Variants in PRDM5 observed in about 807,000 individuals in gnomAD.
PRDM5 encodes PR domain zinc finger protein 5.
In PRDM5, 56 loss-of-function variants were observed where a neutral mutation model predicts 81.2. That is an observed-to-expected ratio of 0.69 (90% CI 0.56 to 0.86). The LOEUF (loss-of-function observed/expected upper bound fraction) is 0.86, where lower values mean the gene tolerates loss of function less well. Among genes scored for constraint, PRDM5 ranks in the 40% least tolerant of loss-of-function variants. The pLI, the probability that PRDM5 is intolerant of heterozygous loss-of-function variation, is 0.00. For synonymous variants in PRDM5, 267 were observed against 256.4 expected (o/e 1.04, Z -0.39); for missense variants, 697 against 770.1 (o/e 0.91, Z 1.12).
intron 14 of PRDM5, among the ~76,000 whole-genome samples, chr4:120,717,868 T>G (rs1475140971): frequency 6.6e-6 from 1 of 152,188 alleles, no homozygotes; most frequent in Non-Finnish European, 1.5e-5. Flanking sequence ...GTGAGCTCTT[T>G]CTCTTATAGT....
At chr4:120,711,842 T>G (rs1466049964) in intron 14 of PRDM5, among the ~76,000 whole-genome samples, 1 of 152,184 alleles carries the variant, frequency 6.6e-6, no homozygotes, top group African/African-American at 2.4e-5. Flanking sequence ...TTAGCCCGGA[T>G]TAATTGTGAA....
intron 10 of PRDM5, among the ~76,000 whole-genome samples, chr4:120,789,032 T>C (rs1173520312): frequency 1.3e-5 from 2 of 152,214 alleles, no homozygotes; most frequent in African/African-American, 4.8e-5. Flanking sequence ...CTCTAATGAA[T>C]GCCAAGCTTT....
intron 2 of PRDM5, among the ~76,000 whole-genome samples, chr4:120,881,874 C>T (rs1364932323): frequency 6.6e-6 from 1 of 152,328 alleles, no homozygotes; most frequent in South Asian, 2.1e-4. Flanking sequence ...CCTCATACTT[C>T]TGCAACAAAA....
At chr4:120,699,163 T>TATAA (rs1303253765) in intron 15 of PRDM5, among the ~76,000 whole-genome samples, 675 of 22,076 alleles carry the variant, frequency 0.031, no homozygotes, top group Admixed American at 0.11. Context: ...GAAATATAAA[T>TATAA]ATATATATAT....
chr4:120,794,810 G>A (rs779913838), intron 10 of PRDM5, among the ~76,000 whole-genome samples: 2 of 152,044 alleles, frequency 1.3e-5, no homozygotes, highest in Admixed American at 1.3e-4. Flanking sequence ...ATTTTTAGTA[G>A]AGATGGCATT....
At chr4:120,764,048 G>A (rs1746020291) in intron 13 of PRDM5, among the ~76,000 whole-genome samples, 1 of 151,874 alleles carries the variant, frequency 6.6e-6, no homozygotes, top group Non-Finnish European at 1.5e-5. Flanking sequence ...AACAGCAGAA[G>A]AAAGCACAAA....
At chr4:120,794,864 G>A (rs2149273802) in intron 10 of PRDM5, among the ~76,000 whole-genome samples, 1 of 152,124 alleles carries the variant, frequency 6.6e-6, no homozygotes, top group East Asian at 1.9e-4. Context: ...GACCTCAGCG[G>A]ATCCACCCAC....
chr4:120,708,034 C>G (rs1736451682), intron 15 of PRDM5, among the ~76,000 whole-genome samples: 1 of 151,884 alleles, frequency 6.6e-6, no homozygotes, highest in South Asian at 2.1e-4. Context: ...AAATTGGAAT[C>G]CTTGTGCATT....
At chr4:120,785,606 T>A (rs1234158858) in intron 10 of PRDM5, among the ~76,000 whole-genome samples, 1 of 152,216 alleles carries the variant, frequency 6.6e-6, no homozygotes. Flanking sequence ...CACTTATTCA[T>A]GTTATAATTA....
chr4:120,851,479 A>C (rs1759265298), intron 3 of PRDM5, among the ~76,000 whole-genome samples: 1 of 152,008 alleles, frequency 6.6e-6, no homozygotes, highest in Admixed American at 6.6e-5. Context: ...AAAAAAAAAA[A>C]AAACATCAGT....
At chr4:120,687,036 T>C (rs1045438409), downstream of PRDM5, among the ~76,000 whole-genome samples, 40 of 151,884 alleles carry the variant, frequency 2.6e-4, no homozygotes, top group African/African-American at 9.7e-4. Flanking sequence ...ATATAACATA[T>C]ATGCCTTAGG....
chr4:120,784,928 T>C (rs2149248689), intron 11 of PRDM5, 70 bp downstream of exon 11: 1 of 1,239,454 alleles, frequency 8.1e-7, no homozygotes, highest in East Asian at 2.4e-5. Flanking sequence ...GATGTCTACA[T>C]TCTCAAAGGT....
intron 3 of PRDM5, among the ~76,000 whole-genome samples, chr4:120,822,777 C>A (rs343181): frequency 0.25 from 38,334 of 151,950 alleles, 5,610 homozygotes; most frequent in East Asian, 0.35. Context: ...TGCATCCAAT[C>A]CTATGGAAGG....
At chr4:120,730,968 G>A (rs182755210) in intron 14 of PRDM5, among the ~76,000 whole-genome samples, 17 of 152,210 alleles carry the variant, frequency 1.1e-4, no homozygotes, top group Admixed American at 6.5e-5. Context: ...ACTCTGCCCA[G>A]GCCCTTAAAA....
At chr4:120,799,461 T>C (rs539040315) in intron 9 of PRDM5, among the ~76,000 whole-genome samples, 200 bp downstream of exon 9, 1 of 152,142 alleles carries the variant, frequency 6.6e-6, no homozygotes, top group Non-Finnish European at 1.5e-5. Context: ...TTCAATATCA[T>C]TTACTCTAAG....
intron 2 of PRDM5, among the ~76,000 whole-genome samples, chr4:120,894,242 A>T (rs1764377545): frequency 6.6e-6 from 1 of 152,218 alleles, no homozygotes; most frequent in Non-Finnish European, 1.5e-5. Context: ...TACTTACTAG[A>T]AACCCGCAAT....
intron 3 of PRDM5, among the ~76,000 whole-genome samples, chr4:120,846,045 A>C (rs1758617792): frequency 6.6e-6 from 1 of 152,230 alleles, no homozygotes; most frequent in Admixed American, 6.5e-5. Context: ...AAATTGATGT[A>C]ATCTCATGAT....
rs370387683 is a variant in PRDM5 at position 120,863,191 on chromosome 4, T to TACACACACACACACACAC, written c.178-9669_178-9652dup. ...AAAAAAAAAAATATATATATATATA[T>TACACACACACACACACAC]ACACACACACACACACACACACACA... On this transcript the variant is annotated intron_variant, in intron 2 of 15. Transcript: ENST00000264808. Among the ~76,000 whole-genome samples, 595 of 70,192 alleles carry TACACACACACACACACAC rather than the reference T, an allele frequency of 8.5e-3. 10 individuals carry two copies. The highest frequency in any genetic ancestry group is 0.013 in the Non-Finnish European group (477 of 35,908). 46.0% of individuals were successfully genotyped at this position (70,192 alleles called of 152,430 possible).
rs751823310 is a variant in PRDM5 at position 120,695,151 on chromosome 4, T to C, written c.1853A>G (p.Lys618Arg). 1.9e-6 allele frequency: 3 copies of C among 1,613,342 alleles called. No homozygotes were observed. Among genetic ancestry groups the C allele is most frequent in the African/African-American group, 2.7e-5 (2 of 74,894 alleles). ...ACCATGGATATTGTCCATGTGCACT[T>C]TGAGGTAGTCATTCCTTGTAAACTT... is the stretch of plus-strand genomic sequence containing the variant. ...HKKFTRNDYLKVHMDNIHGVA... is the reference protein window; with the variant it reads ...HKKFTRNDYLRVHMDNIHGVA... The change falls in exon 16 of 16, where the codon AAA becomes AGA. Residue 618 changes from lysine to arginine, a missense_variant. This residue lies in a region of PRDM5 where 34 missense variants were observed against 28.1 expected (regional missense o/e 1.21). Coordinates refer to ENST00000264808, the MANE Select transcript of PRDM5 (RefSeq NM_018699.4).
Sources: allele counts gnomAD v4.1 joint callset (sites outside exome capture counted in the v4.1 genomes callset), GRCh38; gene constraint gnomAD v4.1.1; regional missense constraint gnomAD v4.1.1; transcripts MANE v1.5; gene names NCBI Gene and HGNC (gene_info 2026-07-23, HGNC 2026-07-21).